The following ECT2 variants were observed in gnomAD, a reference collection of about 807,000 sequenced individuals.
ECT2 encodes protein ECT2.
Under a neutral mutation model 116.9 loss-of-function variants are expected in ECT2, and 61 were observed. That is an observed-to-expected ratio of 0.52 (90% CI 0.42 to 0.65). The LOEUF (loss-of-function observed/expected upper bound fraction) is 0.65. Among genes scored for constraint, ECT2 ranks in the 30% least tolerant of loss-of-function variants. The pLI, the probability that ECT2 is intolerant of heterozygous loss-of-function variation, is 0.00. For missense variants in ECT2, 937 were observed against 1,078.7 expected, an observed-to-expected ratio of 0.87 and a Z score of 1.84; for synonymous variants, 358 against 346.4, an observed-to-expected ratio of 1.03 and a Z score of -0.37.
chr3:172,776,339 C>T (rs781054533), intron 14 of ECT2, among the ~76,000 whole-genome samples: 1 of 151,340 alleles, frequency 6.6e-6, no homozygotes, highest in Non-Finnish European at 1.5e-5. Context: ...TCTTTTCTAC[C>T]GTGAAACCAG....
intron 1 of ECT2, 43 bp from the exon 2 acceptor site, chr3:172,754,466 A>G (rs200827036): frequency 2.1e-6 from 3 of 1,410,376 alleles, no homozygotes; most frequent in Non-Finnish European, 2.9e-6. Context: ...CTTTTGCCCA[A>G]TGACCATGTT....
At chr3:172,804,891 A>G (rs1727393118) in intron 20 of ECT2, among the ~76,000 whole-genome samples, 1 of 150,754 alleles carries the variant, frequency 6.6e-6, no homozygotes, top group African/African-American at 2.4e-5. Flanking sequence ...GAATCTATTG[A>G]TTTTTTTTTT....
In ECT2 at chr3:172,807,923, C is replaced by T. The variant is rs759965844; in HGVS notation, c.2399C>T (p.Ala800Val). The T allele has an allele frequency of 6.2e-7, 1 of 1,612,372 alleles. No individual in the cohort carries two copies. The highest frequency in any genetic ancestry group is 8.5e-7 in the Non-Finnish European group (1 of 1,179,012). The change falls in exon 22 of 25, where the codon GCT (alanine) becomes GTT (valine). Residue 800 changes from alanine to valine, a missense_variant and splice_region_variant. Ala to Val is a moderately conservative substitution (Grantham distance 64). Transcript: ENST00000392692. ...GCTAACACCATTTGTAAAGCAGATG[C>T]TGTAAGTTCTTAAAACAGTATTATA... The part of the protein sequence containing the change: ...HVANTICKAD[A>V]ENLIYTADPE...
Position 172,768,909 on chromosome 3 carries a change from A to G in ECT2, c.1292-98A>G, listed in dbSNP as rs549592771. 39 of 1,333,018 alleles carry G rather than the reference A, an allele frequency of 2.9e-5. No homozygotes were observed. In the South Asian group the frequency reaches 5.7e-4, roughly 20 times the overall value. The allele number at this position is 1,333,018 out of a possible 1,614,324, so 82.6% of individuals were successfully genotyped here. A position where few individuals can be genotyped will look rare whatever the true frequency, so the allele number is the denominator to read the frequency against. Reference sequence around the variant, plus strand: ...AAATCTGTATGGTGGTACATTTATAAGAGTAGGTTTTCTCTCCTTTTTATC... The same window carrying G: ...AAATCTGTATGGTGGTACATTTATAGGAGTAGGTTTTCTCTCCTTTTTATC... On this transcript the variant is annotated intron_variant, in intron 12 of 24. Transcript: ENST00000392692.
chr3:172,753,600 C>T (rs1716363407), intron 1 of ECT2, among the ~76,000 whole-genome samples: 1 of 152,022 alleles, frequency 6.6e-6, no homozygotes, highest in Non-Finnish European at 1.5e-5. Context: ...CCAATTATAC[C>T]GGAGAGGTTT....
Position 172,763,003 on chromosome 3 carries a change from T to C in ECT2, c.1068+31T>C, listed in dbSNP as rs376223306. The stretch of plus-strand genomic sequence containing the variant: ...CTTTTAACCCCTTACTTATTTGTTC[T>C]GTGAGCTTGATTGTTTGAAAATAAC... On this transcript the variant is annotated intron_variant, in intron 11 of 24. Coordinates refer to ENST00000392692, the MANE Select transcript of ECT2 (RefSeq NM_001258315.2). 2.5e-6 allele frequency: 4 copies of C among 1,604,766 alleles called. No homozygotes were observed. The African/African-American group carries it at 5.4e-5, about 22-fold the overall frequency.
rs1560018099 is a variant in ECT2, at chr3:172,807,777, T to TA, written c.2255dup (p.Asn752LysfsTer26). On this transcript the variant is annotated frameshift_variant, in exon 22 of 25. Transcript: ENST00000392692. LOFTEE classifies it high-confidence loss of function. ...GTTATTCTGGAACCCTAGATTGCCA[T>TA]AATGCTTTTGCCTTGCTTGTGAGGC... 6.2e-7 allele frequency: 1 copy of TA among 1,612,348 alleles called. No individual in the cohort carries two copies. The highest frequency in any genetic ancestry group is 8.5e-7 in the Non-Finnish European group (1 of 1,179,128).
At chr3:172,751,551 C>A (rs924467268) in intron 1 of ECT2, among the ~76,000 whole-genome samples, 2 of 152,262 alleles carry the variant, frequency 1.3e-5, no homozygotes, top group South Asian at 2.1e-4. Flanking sequence ...ACGTATTAAG[C>A]GTTAAGTAAA....
chr3:172,779,345 T>C (rs184740655), intron 14 of ECT2, among the ~76,000 whole-genome samples: 3 of 152,308 alleles, frequency 2.0e-5, no homozygotes, highest in Admixed American at 1.3e-4. Context: ...TCTTGATGTG[T>C]GTGGGCTGTT....
At chr3:172,758,877 G>A (rs2108243180) in intron 5 of ECT2, 103 bp from the exon 6 acceptor site, 5 of 999,300 alleles carry the variant, frequency 5.0e-6, no homozygotes, top group Middle Eastern at 2.1e-4. Flanking sequence ...GATTGGGAAA[G>A]TTGAATGGCA....
chr3:172,818,438 AATTT>A lies in ECT2; in HGVS notation c.2655+1608_2655+1611del, dbSNP rs943191829. Reference sequence around the variant, plus strand: ...ATTTTATAGAAAATTTTAGAAAATTAATTTATTTATGGTTATGTCACTTTTAATA... The same window carrying A: ...ATTTTATAGAAAATTTTAGAAAATTAATTTATGGTTATGTCACTTTTAATA... On this transcript the variant is annotated intron_variant, in intron 24 of 24. Transcript: ENST00000392692. 3 of 593,550 alleles carry A rather than the reference AATTT, an allele frequency of 5.1e-6. No homozygotes were observed. In the African/African-American group the frequency reaches 6.1e-5, roughly 12 times the overall value. The allele number at this position is 593,550 out of a possible 1,614,324, so 36.8% of individuals were successfully genotyped here.
At chr3:172,829,149 G>T in the ECT2 span, 2 of 626,212 alleles carry the variant, frequency 3.2e-6, no homozygotes, top group South Asian at 3.0e-5. Context: ...CCGGAGAAAT[G>T]AACAGTGCCC....
At chr3:172,768,862 T>A in intron 12 of ECT2, 145 bp from the exon 13 acceptor site, 1 of 928,666 alleles carries the variant, frequency 1.1e-6, no homozygotes, top group South Asian at 2.9e-5. Context: ...CCTTAGCCTA[T>A]GAGAAAAAAA....
At chr3:172,796,588 C>T (rs1275934144) in intron 18 of ECT2, 2 of 152,178 alleles carry the variant, frequency 1.3e-5, no homozygotes, top group South Asian at 2.1e-4. Context: ...TTTCGTCTTA[C>T]ATTTCTTCCT....
At chr3:172,795,250 C>G (rs1725408360) in intron 18 of ECT2, among the ~76,000 whole-genome samples, 1 of 148,854 alleles carries the variant, frequency 6.7e-6, no homozygotes. Flanking sequence ...TCGCTTGAAC[C>G]AGGAGGTGGA....
rs1253659765 is a variant in ECT2 at position 172,754,511 on chromosome 3, G to T, written c.-20G>T. ...TTATTCAAATTTTATTTTTTCAGCT[G>T]ATTTAGAAGAATACAAATCATGGCT... is the stretch of plus-strand genomic sequence containing the variant. On this transcript the variant is annotated splice_region_variant and 5_prime_UTR_variant, in exon 2 of 25. Transcript: ENST00000392692. 2 of 1,572,292 alleles carry T rather than the reference G, an allele frequency of 1.3e-6. No homozygotes were observed. Among genetic ancestry groups the T allele is most frequent in the Admixed American group, 1.9e-5 (1 of 51,368 alleles).
chr3:172,826,862 C>G, the ECT2 span, among the ~76,000 whole-genome samples: 10 of 152,086 alleles, frequency 6.6e-5, no homozygotes, highest in African/African-American at 2.4e-4. Flanking sequence ...AAGAGACAGT[C>G]ACAGAATGGA....
At chr3:172,825,116 A>G (rs1730809940), downstream of ECT2, among the ~76,000 whole-genome samples, 1 of 152,110 alleles carries the variant, frequency 6.6e-6, no homozygotes, top group South Asian at 2.1e-4. Context: ...AATATTTTAT[A>G]CTTTTTCATT....
chr3:172,761,533 A>T, intron 7 of ECT2, 77 bp from the exon 8 acceptor site: 1 of 967,566 alleles, frequency 1.0e-6, no homozygotes, highest in Non-Finnish European at 1.6e-6. Context: ...GCAAAAAATT[A>T]AGTATGTTAA....
Sources: allele counts gnomAD v4.1 joint callset (sites outside exome capture counted in the v4.1 genomes callset), GRCh38; gene constraint gnomAD v4.1.1; transcripts MANE v1.5; gene names NCBI Gene and HGNC (gene_info 2026-07-23, HGNC 2026-07-21).